The following PLA2G6 variants were observed in gnomAD, a reference collection of about 807,000 sequenced individuals.
The protein encoded by PLA2G6 is 85/88 kDa calcium-independent phospholipase A2.
Under a neutral mutation model 83.8 loss-of-function variants are expected in PLA2G6, and 62 were observed. The observed-to-expected ratio is 0.74, with a 90% CI of 0.60 to 0.91. The LOEUF is 0.91. PLA2G6 is among the 40% of genes least tolerant of loss of function. The pLI is 0.00. For missense variants in PLA2G6, 944 were observed against 1,102.0 expected (o/e 0.86, Z 2.03); for synonymous variants, 417 against 449.8 (o/e 0.93, Z 0.92).
intron 2 of PLA2G6, among the ~76,000 whole-genome samples, chr22:38,160,441 T>TAACTAA (rs112872278): frequency 0.4 from 61,336 of 151,522 alleles, 12,700 homozygotes; most frequent in South Asian, 0.49. Context: ...GTAGAATGAG[T>TAACTAA]AACTGTGATA....
chr22:38,133,036 G>C lies in PLA2G6; in HGVS notation c.895-23C>G, dbSNP rs1017695249. The C allele has an allele frequency of 2.5e-5, 39 of 1,549,874 alleles. No individual in the cohort carries two copies. In the Admixed American group the frequency reaches 3.1e-4, roughly 12 times the overall value. ...CATCTGCGGGAGACGGTCAGGCTGA[G>C]TTAGCACAGGCACTCGGGGAGCTGC... On this transcript the variant is annotated intron_variant, in intron 6 of 16. Transcript: ENST00000332509.
chr22:38,123,923 C>G lies in PLA2G6; in HGVS notation c.1428-665G>C, dbSNP rs1008469096. 2.0e-5 allele frequency among the ~76,000 whole-genome samples: 3 copies of G among 152,132 alleles called. No individual in the cohort carries two copies. Among genetic ancestry groups the G allele is most frequent in the Non-Finnish European group, 2.9e-5 (2 of 68,026 alleles). On this transcript the variant is annotated intron_variant, in intron 10 of 16. Transcript: ENST00000332509. This position sits in a 1 kb window ranked among gnomAD's most constrained non-coding sequence, Gnocchi z 4.1. ...CGATCTCGGCTCACCGCAACCTCTG[C>G]CTCCCGGGTTCAAACGATTCTCCTG...
chr22:38,145,820 CACACACACACACA>C, intron 2 of PLA2G6, 167 bp from the exon 3 acceptor site: 1 of 662,902 alleles, frequency 1.5e-6, no homozygotes, highest in Non-Finnish European at 2.7e-6. Flanking sequence ...CACACACACA[CACACACACACACA>C]CCCCTATACA....
At chr22:38,115,415 G>A (rs2087128850) in intron 14 of PLA2G6, 112 bp downstream of exon 14, 2 of 886,384 alleles carry the variant, frequency 2.3e-6, no homozygotes, top group East Asian at 2.6e-5. Context: ...ATGAATGAGT[G>A]CGTGTGTAAA....
rs1205197548 is a variant in PLA2G6, at chr22:38,135,062, T to C, written c.820A>G (p.Met274Val). 6.4e-7 allele frequency: 1 copy of C among 1,569,250 alleles called. No individual in the cohort carries two copies. The highest frequency in any genetic ancestry group is 8.7e-7 in the Non-Finnish European group (1 of 1,150,480). The change falls in exon 6 of 17, where the codon ATG (methionine) becomes GTG (valine). Residue 274 changes from methionine (M) to valine (V), a missense_variant. Physicochemically the swap from Met to Val is conservative, Grantham distance 21. Coordinates refer to ENST00000332509, the MANE Select transcript of PLA2G6 (RefSeq NM_003560.4). ...TTGCTGTGGATCTGGCTGCTGTCCA[T>C]GCTGATGATCATCTCCGCACACCTG... ...QKGCAEMIIS[M>V]DSSQIHSKDP...
intron 2 of PLA2G6, chr22:38,148,621 C>A: frequency 1.4e-6 from 1 of 709,904 alleles, no homozygotes; most frequent in Admixed American, 2.1e-5. Flanking sequence ...GGAGCCCAGG[C>A]GTCTGCCAAG....
At chr22:38,166,469 C>A (rs2090220113) in intron 2 of PLA2G6, among the ~76,000 whole-genome samples, 1 of 152,170 alleles carries the variant, frequency 6.6e-6, no homozygotes, top group African/African-American at 2.4e-5. Flanking sequence ...GTGACTCATG[C>A]CTGTAATCCC....
At chr22:38,178,939 G>C (rs951931368) in intron 1 of PLA2G6, among the ~76,000 whole-genome samples, 2 of 152,128 alleles carry the variant, frequency 1.3e-5, no homozygotes, top group African/African-American at 2.4e-5. Flanking sequence ...ATTTTAGACA[G>C]AGCTACTAAT....
chr22:38,174,395 C>CA (rs1400916177), intron 1 of PLA2G6, among the ~76,000 whole-genome samples: 3 of 116,102 alleles, frequency 2.6e-5, no homozygotes, highest in African/African-American at 3.6e-5. Flanking sequence ...GACTCTGTCT[C>CA]AAAAAAAAAG....
At chr22:38,131,538 C>G (rs2088211063) in intron 7 of PLA2G6, 2 of 152,082 alleles carry the variant, frequency 1.3e-5, no homozygotes, top group Non-Finnish European at 2.9e-5. Flanking sequence ...ATCAAATAGG[C>G]CAAAAAACTT....
intron 2 of PLA2G6, chr22:38,149,230 G>A (rs2089439808): frequency 6.6e-6 from 1 of 152,014 alleles, no homozygotes; most frequent in South Asian, 2.1e-4. Flanking sequence ...AAACTCACCA[G>A]GCATATGTGG....
At chr22:38,168,860 C>A (rs1460446037) in intron 2 of PLA2G6, among the ~76,000 whole-genome samples, 1 of 151,972 alleles carries the variant, frequency 6.6e-6, no homozygotes. Context: ...AAAACAAAAA[C>A]CAAAACCAAA....
intron 2 of PLA2G6, among the ~76,000 whole-genome samples, chr22:38,162,358 A>G (rs1486694322): frequency 6.6e-6 from 1 of 152,042 alleles, no homozygotes; most frequent in African/African-American, 2.4e-5. Context: ...AGGAGGCAGG[A>G]AGTATAGGTG....
intron 10 of PLA2G6, among the ~76,000 whole-genome samples, chr22:38,125,329 T>C (rs1361265077): frequency 1.3e-5 from 2 of 152,042 alleles, no homozygotes; most frequent in Non-Finnish European, 2.9e-5. Flanking sequence ...TGTGTGCGTG[T>C]GTGTGTGCGT....
intron 7 of PLA2G6, chr22:38,131,147 C>G (rs1222427052): frequency 2.0e-5 from 3 of 152,090 alleles, no homozygotes; most frequent in Non-Finnish European, 2.9e-5. Context: ...ACCTGGGGAC[C>G]CCTGTGAACA....
intron 1 of PLA2G6, among the ~76,000 whole-genome samples, chr22:38,170,609 C>A (rs2090401125): frequency 6.6e-6 from 1 of 152,178 alleles, no homozygotes; most frequent in Admixed American, 6.5e-5. Context: ...AGAAAATACA[C>A]TGCCTTCCTA....
rs2088275409 is a variant in PLA2G6, at chr22:38,132,436, G to A, written c.1077+395C>T. 1 of 332,692 alleles carries A rather than the reference G, an allele frequency of 3.0e-6. No individual in the cohort carries two copies. 20.6% of individuals were successfully genotyped at this position (332,692 alleles called of 1,614,324 possible). ...GACATTCTGTAGAGGGTGACCAAGT[G>A]TCCACCATAACTTTTCCACAACTCT... On this transcript the variant is annotated intron_variant, in intron 7 of 16. Coordinates refer to ENST00000332509, the MANE Select transcript of PLA2G6 (RefSeq NM_003560.4). This position sits in a 1 kb window ranked among gnomAD's most constrained non-coding sequence, Gnocchi z 5.0.
intron 1 of PLA2G6, among the ~76,000 whole-genome samples, chr22:38,176,777 C>A (rs748136713): frequency 6.6e-6 from 1 of 152,156 alleles, no homozygotes; most frequent in Non-Finnish European, 1.5e-5. Context: ...GTGGCTCACA[C>A]CTGTAATCCC....
chr22:38,126,084 C>T, intron 10 of PLA2G6: 1 of 475,878 alleles, frequency 2.1e-6, no homozygotes, highest in East Asian at 4.6e-5. Context: ...CTCTTCTAGC[C>T]ATAAGGAGAT....
Sources: allele counts gnomAD v4.1 joint callset (sites outside exome capture counted in the v4.1 genomes callset), GRCh38; gene constraint gnomAD v4.1.1; non-coding constraint Gnocchi (gnomAD v3.1); transcripts MANE v1.5; gene names NCBI Gene and HGNC (gene_info 2026-07-23, HGNC 2026-07-21).